The following XKR9 variants were observed in gnomAD, a reference collection of about 807,000 sequenced individuals.
XKR9 encodes the protein XK-related protein 9.
Under a neutral mutation model 32.0 loss-of-function variants are expected in XKR9, and 32 were observed. The observed-to-expected ratio is 1.00, with a 90% CI of 0.76 to 1.34. The LOEUF (loss-of-function observed/expected upper bound fraction) is 1.34, where lower values mean the gene tolerates loss of function less well. Ranked by LOEUF, XKR9 falls within the 40% of genes most tolerant of loss-of-function variation. The pLI is 0.00. For missense variants in XKR9, 546 were observed against 429.7 expected (o/e 1.27, Z -2.39); for synonymous variants, 168 against 143.4 (o/e 1.17, Z -1.22).
chr8:70,751,836 C>G (rs1277295266), intron 2 of XKR9, among the ~76,000 whole-genome samples: 1 of 152,166 alleles, frequency 6.6e-6, no homozygotes, highest in Non-Finnish European at 1.5e-5. Context: ...CACCTTTGAA[C>G]TTGGACTGAG....
At chr8:71,023,647 C>G in the XKR9 span, among the ~76,000 whole-genome samples, 1 of 152,002 alleles carries the variant, frequency 6.6e-6, no homozygotes, top group South Asian at 2.1e-4. Context: ...ATGGGTGAGG[C>G]CTGAAGCTTT....
chr8:70,687,356 T>TTCTC (rs1278398023), intron 3 of XKR9, among the ~76,000 whole-genome samples: 2 of 148,438 alleles, frequency 1.3e-5, no homozygotes, highest in Admixed American at 6.8e-5. Flanking sequence ...CTTTCTTTCT[T>TTCTC]TCTCTCTTTC....
chr8:70,843,996 A>C, the XKR9 span, among the ~76,000 whole-genome samples: 6 of 152,322 alleles, frequency 3.9e-5, no homozygotes, highest in East Asian at 9.7e-4. Flanking sequence ...AGCTGGACCC[A>C]GTGGAATGTC....
the XKR9 span, among the ~76,000 whole-genome samples, chr8:70,925,139 T>G: frequency 1.3e-5 from 2 of 152,230 alleles, no homozygotes; most frequent in South Asian, 4.1e-4. Context: ...TGTTCATAGG[T>G]TCTGCTGTGA....
At chr8:70,955,710 C>T in the XKR9 span, among the ~76,000 whole-genome samples, 12 of 152,308 alleles carry the variant, frequency 7.9e-5, no homozygotes, top group East Asian at 2.3e-3. Context: ...GTGCTTGGCT[C>T]ATGGTCCTGG....
intron 4 of XKR9, among the ~76,000 whole-genome samples, chr8:70,731,015 GT>G (rs1264412428): frequency 6.6e-6 from 1 of 152,150 alleles, no homozygotes; most frequent in Non-Finnish European, 1.5e-5. Flanking sequence ...TCCAGTATTG[GT>G]GTCAGGGTCC....
chr8:71,022,493 G>T, the XKR9 span, among the ~76,000 whole-genome samples: 1 of 152,134 alleles, frequency 6.6e-6, no homozygotes, highest in Non-Finnish European at 1.5e-5. Flanking sequence ...TACACTGCTA[G>T]TATGATGGGG....
chr8:70,753,044 A>G (rs868409020), intron 2 of XKR9, among the ~76,000 whole-genome samples: 1 of 152,224 alleles, frequency 6.6e-6, no homozygotes, highest in Non-Finnish European at 1.5e-5. Context: ...AAGAAGAGAG[A>G]AGAATCAAAT....
the XKR9 span, among the ~76,000 whole-genome samples, chr8:70,979,237 G>T: frequency 6.6e-6 from 1 of 152,126 alleles, no homozygotes; most frequent in Non-Finnish European, 1.5e-5. Flanking sequence ...GCCTACTTCT[G>T]TCAACTCGTC....
At chr8:70,741,996 C>G (rs1806993327) in intron 2 of XKR9, among the ~76,000 whole-genome samples, 1 of 151,506 alleles carries the variant, frequency 6.6e-6, no homozygotes, top group African/African-American at 2.4e-5. Flanking sequence ...AATGGTCACC[C>G]TAATGAATAT....
chr8:70,937,031 T>G, the XKR9 span, among the ~76,000 whole-genome samples: 1 of 151,902 alleles, frequency 6.6e-6, no homozygotes, highest in Admixed American at 6.6e-5. Context: ...AATTGATATA[T>G]GAGAGGTTCC....
At chr8:70,969,252 A>G in the XKR9 span, among the ~76,000 whole-genome samples, 1 of 152,262 alleles carries the variant, frequency 6.6e-6, no homozygotes, top group Non-Finnish European at 1.5e-5. Context: ...AGTAATTTAT[A>G]TATCCTTAAA....
the XKR9 span, among the ~76,000 whole-genome samples, chr8:70,795,791 ACTGT>A: frequency 2.0e-5 from 3 of 151,408 alleles, no homozygotes; most frequent in African/African-American, 7.3e-5. Flanking sequence ...TCTTTTGAAA[ACTGT>A]CTGTTCATGC....
At chr8:70,865,866 A>T in the XKR9 span, among the ~76,000 whole-genome samples, 1 of 152,188 alleles carries the variant, frequency 6.6e-6, no homozygotes, top group Non-Finnish European at 1.5e-5. Context: ...TCAGCTATGG[A>T]GTGTGAGAAA....
chr8:70,717,763 G>T (rs1300250610), intron 4 of XKR9, among the ~76,000 whole-genome samples: 1 of 152,154 alleles, frequency 6.6e-6, no homozygotes, highest in African/African-American at 2.4e-5. Context: ...TGCAAATTCT[G>T]CAGTGGGCTT....
At chr8:70,858,229 C>T in the XKR9 span, among the ~76,000 whole-genome samples, 15 of 152,154 alleles carry the variant, frequency 9.9e-5, no homozygotes, top group Non-Finnish European at 2.1e-4. Flanking sequence ...ATCGTCTCAT[C>T]CCAAAATCTC....
intron 2 of XKR9, among the ~76,000 whole-genome samples, chr8:70,785,912 C>G (rs908566598): frequency 2.0e-5 from 3 of 151,814 alleles, no homozygotes; most frequent in African/African-American, 7.3e-5. Flanking sequence ...CAACTTTGAA[C>G]TACTGGGCTC....
the XKR9 span, among the ~76,000 whole-genome samples, chr8:70,826,197 C>T: frequency 0.018 from 2,673 of 152,116 alleles, 74 homozygotes; most frequent in African/African-American, 0.062. Flanking sequence ...GAATTTTAGC[C>T]TGGGCTTCAA....
chr8:70,990,810 C>G, the XKR9 span, among the ~76,000 whole-genome samples: 2 of 151,204 alleles, frequency 1.3e-5, no homozygotes, highest in African/African-American at 4.9e-5. Context: ...TTTCATGCAT[C>G]CATCTGGGAA....
Sources: gnomAD v4.1 joint callset for allele counts (sites outside exome capture counted in the v4.1 genomes callset) on GRCh38, gnomAD v4.1.1 for gene constraint, MANE v1.5 for transcripts, NCBI Gene and HGNC (gene_info 2026-07-23, HGNC 2026-07-21) for gene names.